The following LIN28A variants were observed in gnomAD, a reference collection of about 807,000 sequenced individuals.
The protein encoded by LIN28A is lin-28 RNA binding posttranscriptional regulator A, also known as protein lin-28 homolog A.
LIN28A carries 11 observed loss-of-function variants against 21.1 expected under a neutral mutation model. The observed-to-expected ratio is 0.52, with a 90% CI of 0.33 to 0.86. The LOEUF (loss-of-function observed/expected upper bound fraction) is 0.86, where lower values mean the gene tolerates loss of function less well. LIN28A is among the 40% of genes least tolerant of loss of function. LIN28A has a pLI of 0.03. For missense variants in LIN28A, 219 were observed against 279.8 expected, an observed-to-expected ratio of 0.78 and a Z score of 1.55; for synonymous variants, 111 against 108.7, an observed-to-expected ratio of 1.02 and a Z score of -0.13.
intron 3 of LIN28A, 37 bp downstream of exon 3, chr1:26,425,524 G>A (rs776599643): frequency 1.3e-6 from 2 of 1,580,266 alleles, no homozygotes; most frequent in South Asian, 1.1e-5. Context: ...GGTTGCTAAG[G>A]GCATCCCCAG....
intron 2 of LIN28A, among the ~76,000 whole-genome samples, chr1:26,416,143 CCA>C (rs1330228920): frequency 6.6e-6 from 1 of 152,138 alleles, no homozygotes; most frequent in Admixed American, 6.5e-5. Context: ...CAGATGTACA[CCA>C]CCACACCCAG....
chr1:26,422,073 A>G (rs1447289921), intron 2 of LIN28A, among the ~76,000 whole-genome samples: 1 of 146,532 alleles, frequency 6.8e-6, no homozygotes, highest in Admixed American at 7.0e-5. Context: ...CAGTTGTGTG[A>G]TCTCTGCTCA....
Position 26,426,695 on chromosome 1 carries a change from A to G in LIN28A, c.*237A>G, listed in dbSNP as rs187722297. The G allele has an allele frequency of 1.4e-5, 7 of 502,718 alleles. No homozygotes were observed. The highest frequency in any genetic ancestry group is 1.2e-4 in the African/African-American group (6 of 51,820). 31.1% of individuals were successfully genotyped at this position (502,718 alleles called of 1,614,324 possible). On this transcript the variant is annotated 3_prime_UTR_variant, in exon 4 of 4. Transcript: ENST00000326279. ...TTCTGGGGGCAACCAGGAGGGGGGA[A>G]TCACCCTACAACCTGCATACTTTGA... is the stretch of plus-strand genomic sequence containing the variant.
chr1:26,428,385 C>T lies in LIN28A; in HGVS notation c.*1927C>T, dbSNP rs942921788. On this transcript the variant is annotated 3_prime_UTR_variant, in exon 4 of 4. Transcript: ENST00000326279. ...TCTACCCTGCCCTCTTTTCTGTTCA[C>T]CCCCAAAAGAAAACTTACACACCCA... 5.4e-5 allele frequency: 5 copies of T among 92,702 alleles called. No homozygotes were observed. The highest frequency in any genetic ancestry group is 1.5e-4 in the African/African-American group (5 of 32,334). 5.7% of individuals were successfully genotyped at this position (92,702 alleles called of 1,614,324 possible). A position where few individuals can be genotyped will look rare whatever the true frequency, so the allele number is the denominator to read the frequency against.
At chr1:26,425,876 T>A (rs188629078) in intron 3 of LIN28A, among the ~76,000 whole-genome samples, 19 of 152,370 alleles carry the variant, frequency 1.2e-4, no homozygotes, top group Admixed American at 9.8e-4. Flanking sequence ...TTGCTTGGGC[T>A]TAAAGCCCCT....
rs917203387 is a variant in LIN28A at position 26,411,326 on chromosome 1, C to G, written c.32-60C>G. Reference sequence around the variant, plus strand: ...ATACTCGGGTCTCCCTGCCTGGGGCCCGAGACGGCCCTCCGATTCCGTGCC... The same window carrying G: ...ATACTCGGGTCTCCCTGCCTGGGGCGCGAGACGGCCCTCCGATTCCGTGCC... On this transcript the variant is annotated intron_variant, in intron 1 of 3. Transcript: ENST00000326279. This position sits in a 1 kb window ranked among gnomAD's most constrained non-coding sequence, Gnocchi z 5.4. 3.6e-5 allele frequency: 52 copies of G among 1,447,334 alleles called. No homozygotes were observed. Among genetic ancestry groups the G allele is most frequent in the Non-Finnish European group, 4.5e-5 (50 of 1,099,882 alleles). The allele number at this position is 1,447,334 out of a possible 1,614,324, so 89.7% of individuals were successfully genotyped here.
rs1346157855 is a variant in LIN28A at position 26,411,906 on chromosome 1, C to T, written c.228+324C>T. ...GAAACTAAGGTTGTATTGTGCTTGC[C>T]GGTGGGGGGAGGGCGAGCAGGCCGG... On this transcript the variant is annotated intron_variant, in intron 2 of 3. Transcript: ENST00000326279. The surrounding 1 kb of genome is among the most constrained non-coding windows in gnomAD (Gnocchi z 5.4). Among the ~76,000 whole-genome samples, 1 of 152,236 alleles carries T rather than the reference C, an allele frequency of 6.6e-6. No homozygotes were observed. Among genetic ancestry groups the T allele is most frequent in the Admixed American group, 6.5e-5 (1 of 15,288 alleles).
At position 26,410,884 on chromosome 1, in the gene LIN28A, C is replaced by A; in HGVS notation, c.-8C>A. The A allele has an allele frequency of 6.2e-7, 1 of 1,611,664 alleles. No individual in the cohort carries two copies. Among genetic ancestry groups the A allele is most frequent in the Non-Finnish European group, 8.5e-7 (1 of 1,179,318 alleles). On this transcript the variant is annotated 5_prime_UTR_variant, in exon 1 of 4. Coordinates refer to ENST00000326279, the MANE Select transcript of LIN28A (RefSeq NM_024674.6). ...AGGGGCCCGGGGCCACGGGCTCAGC[C>A]GACGACCATGGGCTCCGTGTCCAAC...
At chr1:26,423,745 T>G (rs1570316902) in intron 2 of LIN28A, among the ~76,000 whole-genome samples, 1 of 141,750 alleles carries the variant, frequency 7.1e-6, no homozygotes, top group Non-Finnish European at 1.5e-5. Context: ...TTGAGCATCT[T>G]GAGTTTGTTT....
At chr1:26,421,725 T>A (rs544855978) in intron 2 of LIN28A, among the ~76,000 whole-genome samples, 1 of 152,296 alleles carries the variant, frequency 6.6e-6, no homozygotes, top group East Asian at 1.9e-4. Flanking sequence ...CAGATCTCTG[T>A]GATTTTCCAT....
chr1:26,412,767 T>C (rs1172915839), intron 2 of LIN28A, among the ~76,000 whole-genome samples: 1 of 151,900 alleles, frequency 6.6e-6, no homozygotes, highest in Non-Finnish European at 1.5e-5. Context: ...AGGGAGATGC[T>C]GGATGGACTA....
At chr1:26,416,504 T>C (rs1227111476) in intron 2 of LIN28A, among the ~76,000 whole-genome samples, 1 of 152,216 alleles carries the variant, frequency 6.6e-6, no homozygotes, top group Non-Finnish European at 1.5e-5. Flanking sequence ...ATGCCTCCTG[T>C]CTTCCTGCAG....
At chr1:26,420,576 C>T (rs531470140) in intron 2 of LIN28A, among the ~76,000 whole-genome samples, 3 of 138,532 alleles carry the variant, frequency 2.2e-5, no homozygotes, top group Non-Finnish European at 4.5e-5. Context: ...TGCACTTCAG[C>T]ATGGGCGACA....
chr1:26,423,413 C>CTTTTTCT (rs2075038872), intron 2 of LIN28A, among the ~76,000 whole-genome samples: 1 of 78,822 alleles, frequency 1.3e-5, no homozygotes, highest in South Asian at 5.5e-4. Flanking sequence ...TTTTCTTTTT[C>CTTTTTCT]TTTTTTTTTT....
chr1:26,425,627 T>A, intron 3 of LIN28A, 140 bp downstream of exon 3: 1 of 753,582 alleles, frequency 1.3e-6, no homozygotes, highest in Non-Finnish European at 2.1e-6. Flanking sequence ...GCGCCTGCAA[T>A]AGGTGTGGGC....
At chr1:26,415,019 A>G (rs2124286746) in intron 2 of LIN28A, among the ~76,000 whole-genome samples, 1 of 152,304 alleles carries the variant, frequency 6.6e-6, no homozygotes. Context: ...CTGTGGCTCA[A>G]TTTGCAAACT....
In LIN28A at chr1:26,426,270, C is replaced by T; in HGVS notation, c.442C>T (p.His148Tyr). The T allele has an allele frequency of 1.2e-6, 2 of 1,614,164 alleles. No individual in the cohort carries two copies. The highest frequency in any genetic ancestry group is 1.3e-5 in the African/African-American group (1 of 75,034). Residue 148 changes from histidine (H) to tyrosine (Y), a missense_variant, in exon 4 of 4, where the codon CAT becomes TAT. By Grantham distance (83) the His-to-Tyr change is moderately conservative. This residue lies in a region of LIN28A where 124 missense variants were observed against 193.1 expected (regional missense o/e 0.64). Coordinates refer to ENST00000326279, the MANE Select transcript of LIN28A (RefSeq NM_024674.6). The part of the protein sequence containing the change: ...RCYNCGGLDH[H>Y]AKECKLPPQP... ...CTACAACTGTGGAGGTCTAGATCAT[C>T]ATGCCAAGGAATGCAAGCTGCCACC... is the stretch of plus-strand genomic sequence containing the variant.
At chr1:26,412,970 C>T (rs1170436915) in intron 2 of LIN28A, among the ~76,000 whole-genome samples, 1 of 152,106 alleles carries the variant, frequency 6.6e-6, no homozygotes, top group East Asian at 1.9e-4. Context: ...CCCCCAACCC[C>T]CCATTAGACA....
chr1:26,418,542 T>A (rs142072219), intron 2 of LIN28A, among the ~76,000 whole-genome samples: 2,124 of 144,478 alleles, frequency 0.015, 24 homozygotes, highest in Middle Eastern at 0.025. Flanking sequence ...CCAGACTTTT[T>A]AAAAAAAAAA....
Sources: allele counts gnomAD v4.1 joint callset (sites outside exome capture counted in the v4.1 genomes callset), GRCh38; gene constraint gnomAD v4.1.1; regional missense constraint gnomAD v4.1.1; non-coding constraint Gnocchi (gnomAD v3.1); transcripts MANE v1.5; gene names NCBI Gene and HGNC (gene_info 2026-07-23, HGNC 2026-07-21).